The following ACBD5 variants were observed in gnomAD, a reference collection of about 807,000 sequenced individuals.
The protein encoded by ACBD5 is acyl-CoA binding domain containing 5.
ACBD5 carries 40 observed loss-of-function variants against 71.8 expected under a neutral mutation model. That is an observed-to-expected ratio of 0.56 (90% CI 0.43 to 0.72). The LOEUF (loss-of-function observed/expected upper bound fraction) is 0.72. Ranked by LOEUF, ACBD5 falls within the 30% of genes least tolerant of loss-of-function variation. The pLI is 0.00. For missense variants in ACBD5, 559 were observed against 644.5 expected, an observed-to-expected ratio of 0.87 and a Z score of 1.44; for synonymous variants, 229 against 218.6, an observed-to-expected ratio of 1.05 and a Z score of -0.42.
intron 3 of ACBD5, among the ~76,000 whole-genome samples, chr10:27,234,572 C>T (rs980371134): frequency 6.6e-6 from 1 of 151,724 alleles, no homozygotes; most frequent in East Asian, 1.9e-4. Flanking sequence ...ATGCACCTAT[C>T]CCTTTTGGTT....
chr10:27,212,827 G>A (rs775619935), intron 8 of ACBD5, among the ~76,000 whole-genome samples: 7 of 152,056 alleles, frequency 4.6e-5, no homozygotes, highest in Non-Finnish European at 1.0e-4. Context: ...GGGATTATAG[G>A]TGTCAGCCAC....
intron 13 of ACBD5, among the ~76,000 whole-genome samples, chr10:27,183,687 G>T (rs1239502644): frequency 3.3e-5 from 5 of 152,072 alleles, no homozygotes; most frequent in Non-Finnish European, 7.4e-5. Flanking sequence ...TCAGCTTCTA[G>T]GTGTTCCCTG....
At chr10:27,205,956 T>C (rs2060429984) in intron 10 of ACBD5, among the ~76,000 whole-genome samples, 1 of 152,166 alleles carries the variant, frequency 6.6e-6, no homozygotes, top group African/African-American at 2.4e-5. Context: ...CTTGCTCTGT[T>C]GCCCAGGCTG....
chr10:27,231,420 G>C (rs2138135301), intron 4 of ACBD5, among the ~76,000 whole-genome samples: 1 of 152,292 alleles, frequency 6.6e-6, no homozygotes, highest in Middle Eastern at 3.4e-3. Context: ...GGGAGGCTGT[G>C]GCAGGAGAAT....
At chr10:27,219,029 C>T (rs11015613) in intron 6 of ACBD5, among the ~76,000 whole-genome samples, 107,229 of 152,068 alleles carry the variant, frequency 0.71, 37,934 homozygotes, top group Admixed American at 0.72. Flanking sequence ...AGGCCGGGTG[C>T]GATGGCTCAT....
intron 4 of ACBD5, among the ~76,000 whole-genome samples, chr10:27,226,449 TACAC>T (rs66967226): frequency 0.027 from 3,643 of 134,990 alleles, 57 homozygotes; most frequent in Middle Eastern, 0.062. Flanking sequence ...AGATACAGAC[TACAC>T]ACACACACAC....
chr10:27,226,649 A>AT (rs141926345), intron 4 of ACBD5, among the ~76,000 whole-genome samples: 1 of 148,972 alleles, frequency 6.7e-6, no homozygotes, highest in Non-Finnish European at 1.5e-5. Flanking sequence ...TTTTTTTTTA[A>AT]TTTTTTTTGT....
chr10:27,227,914 T>C (rs2063296331), intron 4 of ACBD5, among the ~76,000 whole-genome samples: 2 of 151,968 alleles, frequency 1.3e-5, no homozygotes, highest in African/African-American at 4.8e-5. Flanking sequence ...AGTTTCACCA[T>C]GTTGTCCAGG....
chr10:27,187,320 A>G (rs2058826234), intron 13 of ACBD5, among the ~76,000 whole-genome samples: 1 of 152,064 alleles, frequency 6.6e-6, no homozygotes, highest in Admixed American at 6.5e-5. Flanking sequence ...AGGCAGCTGG[A>G]AAATTCCTTC....
At chr10:27,187,502 G>A (rs142418541) in intron 13 of ACBD5, among the ~76,000 whole-genome samples, 233 of 151,700 alleles carry the variant, frequency 1.5e-3, no homozygotes, top group African/African-American at 5.3e-3. Flanking sequence ...CTGTAATCCC[G>A]GCACTTTGGG....
chr10:27,219,784 T>C lies in ACBD5; in HGVS notation c.564A>G (p.Gly188=). 1 of 1,614,134 alleles carries C rather than the reference T, an allele frequency of 6.2e-7. No homozygotes were observed. The highest frequency in any genetic ancestry group is 8.5e-7 in the Non-Finnish European group (1 of 1,180,008). Residue 188 remains glycine (G), a synonymous_variant, in exon 6 of 13, where the codon GGA becomes GGG. Transcript: ENST00000396271. ...GGGCCTCTTCTTCCTCAGACTCGGCTCCACTGTCACTGCTTTCAGCTTTAC... is the reference window on the plus strand; with the variant it reads ...GGGCCTCTTCTTCCTCAGACTCGGCCCCACTGTCACTGCTTTCAGCTTTAC... ...VNGKAESSDS[G]AESEEEEAQE...
chr10:27,219,167 T>C (rs1374477418), intron 6 of ACBD5, among the ~76,000 whole-genome samples: 3 of 151,924 alleles, frequency 2.0e-5, no homozygotes, highest in Non-Finnish European at 2.9e-5. Context: ...CGGGGTGTGG[T>C]GGTGCATGCC....
chr10:27,183,402 G>A (rs1009844999), intron 13 of ACBD5, among the ~76,000 whole-genome samples: 10 of 151,956 alleles, frequency 6.6e-5, no homozygotes, highest in African/African-American at 2.4e-4. Context: ...TCCTGCCTCA[G>A]CCCCCCAAGT....
chr10:27,198,454 CCT>C (rs1054078666), intron 12 of ACBD5, among the ~76,000 whole-genome samples: 4 of 152,292 alleles, frequency 2.6e-5, no homozygotes, highest in African/African-American at 9.6e-5. Flanking sequence ...CAGATTGATT[CCT>C]CTCTGTAGAA....
intron 6 of ACBD5, among the ~76,000 whole-genome samples, chr10:27,219,317 A>AAC (rs367708147): frequency 8.7e-4 from 12 of 13,802 alleles, no homozygotes; most frequent in East Asian, 3.7e-3. Context: ...ATAAAAAAAC[A>AAC]AAAAAAAAAC....
intron 12 of ACBD5, among the ~76,000 whole-genome samples, chr10:27,199,816 G>A (rs750225919): frequency 3.3e-5 from 5 of 151,956 alleles, no homozygotes; most frequent in Non-Finnish European, 5.9e-5. Context: ...GACTATCCTG[G>A]CCGTCTCTAC....
At chr10:27,221,547 G>T (rs377258166) in intron 5 of ACBD5, among the ~76,000 whole-genome samples, 1 of 152,064 alleles carries the variant, frequency 6.6e-6, no homozygotes, top group East Asian at 1.9e-4. Context: ...GCCAGTGGCT[G>T]GACACCACAG....
At chr10:27,241,248 C>T (rs2065464309), upstream of ACBD5, among the ~76,000 whole-genome samples, 1 of 152,190 alleles carries the variant, frequency 6.6e-6, no homozygotes, top group Non-Finnish European at 1.5e-5. Context: ...GGGACAGGTT[C>T]TGTGAGAAAC....
intron 2 of ACBD5, among the ~76,000 whole-genome samples, chr10:27,238,616 G>C (rs1374959070): frequency 6.6e-6 from 1 of 151,976 alleles, no homozygotes; most frequent in Non-Finnish European, 1.5e-5. Context: ...CCAATAGAAT[G>C]TTTGAAATTA....
Sources: allele counts gnomAD v4.1 joint callset (sites outside exome capture counted in the v4.1 genomes callset), GRCh38; gene constraint gnomAD v4.1.1; transcripts MANE v1.5; gene names NCBI Gene and HGNC (gene_info 2026-07-23, HGNC 2026-07-21).